The following CPEB3 variants were observed in gnomAD, a reference collection of about 807,000 sequenced individuals.
The protein encoded by CPEB3 is cytoplasmic polyadenylation element binding protein 3, also known as cytoplasmic polyadenylation element-binding protein 3.
Under a neutral mutation model 67.2 loss-of-function variants are expected in CPEB3, and 20 were observed. That is an observed-to-expected ratio of 0.30 (90% CI 0.21 to 0.43). The LOEUF is 0.43. CPEB3 is among the 20% of genes least tolerant of loss of function. The probability of loss-of-function intolerance (pLI) is 1.00; values close to 1 mark genes in which losing one functional copy is unlikely to be tolerated. For synonymous variants in CPEB3, 376 were observed against 393.1 expected, an observed-to-expected ratio of 0.96 and a Z score of 0.51; for missense variants, 746 against 968.6, an observed-to-expected ratio of 0.77 and a Z score of 3.05.
chr10:92,214,237 C>T (rs766307937), intron 2 of CPEB3, among the ~76,000 whole-genome samples: 3 of 152,100 alleles, frequency 2.0e-5, no homozygotes, highest in Non-Finnish European at 4.4e-5. Context: ...TTAGAGGGAA[C>T]CAGCTTAGAC....
At chr10:92,194,260 T>G (rs573814938) in intron 2 of CPEB3, among the ~76,000 whole-genome samples, 11 of 151,586 alleles carry the variant, frequency 7.3e-5, no homozygotes, top group Admixed American at 2.0e-4. Context: ...GCCAACAAGG[T>G]GAAACCCTGT....
At chr10:92,077,640 T>C (rs956236676) in intron 9 of CPEB3, among the ~76,000 whole-genome samples, 1 of 151,990 alleles carries the variant, frequency 6.6e-6, no homozygotes, top group African/African-American at 2.4e-5. Context: ...GCACCTGTGA[T>C]CCCAGCTATT....
intron 9 of CPEB3, among the ~76,000 whole-genome samples, chr10:92,074,612 T>C (rs1842870766): frequency 6.6e-6 from 1 of 151,726 alleles, no homozygotes; most frequent in African/African-American, 2.4e-5. Context: ...CCCTGAGAAA[T>C]AGGGGAAAAG....
intron 7 of CPEB3, among the ~76,000 whole-genome samples, chr10:92,098,988 TCTCAGACTCCTAAC>T (rs1295447011): frequency 1.3e-5 from 2 of 151,770 alleles, no homozygotes; most frequent in African/African-American, 4.8e-5. Context: ...GCCAGGCTGG[TCTCAGACTCCTAAC>T]CTCAAGTGAT....
At chr10:92,071,956 CA>C (rs1274202069) in intron 9 of CPEB3, among the ~76,000 whole-genome samples, 1 of 152,086 alleles carries the variant, frequency 6.6e-6, no homozygotes, top group Non-Finnish European at 1.5e-5. Context: ...ACCACTAGAA[CA>C]GAAAGAATGT....
At chr10:92,053,016 G>A (rs1489678593) in intron 9 of CPEB3, among the ~76,000 whole-genome samples, 3 of 152,212 alleles carry the variant, frequency 2.0e-5, no homozygotes, top group Non-Finnish European at 4.4e-5. Context: ...CTGTGAGGCT[G>A]TGCACCTCAG....
At chr10:92,065,428 C>T (rs1842509352) in intron 9 of CPEB3, among the ~76,000 whole-genome samples, 2 of 152,066 alleles carry the variant, frequency 1.3e-5, no homozygotes, top group Non-Finnish European at 2.9e-5. Context: ...ACCATGTTGG[C>T]CAGGCTGTTC....
At chr10:92,070,730 T>C (rs1408530280) in intron 9 of CPEB3, among the ~76,000 whole-genome samples, 2 of 151,844 alleles carry the variant, frequency 1.3e-5, no homozygotes, top group Non-Finnish European at 2.9e-5. Flanking sequence ...TGAGCCAAGA[T>C]TGTGCCACTG....
chr10:92,277,256 G>A (rs1300407045), intron 1 of CPEB3, among the ~76,000 whole-genome samples: 2 of 152,146 alleles, frequency 1.3e-5, no homozygotes, highest in East Asian at 3.8e-4. Flanking sequence ...TTACTTCTAA[G>A]AGTTATATAG....
intron 6 of CPEB3, chr10:92,137,468 A>G: frequency 1.6e-6 from 2 of 1,230,468 alleles, no homozygotes; most frequent in Non-Finnish European, 1.1e-6. Flanking sequence ...CTCAACAGCA[A>G]CACCCAGGTG....
chr10:92,153,379 C>G (rs1847053469), intron 4 of CPEB3, among the ~76,000 whole-genome samples: 2 of 152,200 alleles, frequency 1.3e-5, no homozygotes, highest in Non-Finnish European at 2.9e-5. Context: ...TGCAGGAGTA[C>G]ATTTATAACA....
intron 4 of CPEB3, among the ~76,000 whole-genome samples, chr10:92,180,138 G>A (rs565874757): frequency 1.3e-5 from 2 of 152,298 alleles, no homozygotes; most frequent in South Asian, 4.1e-4. Context: ...CTAGGAAGGA[G>A]AGCTGATGCC....
intron 9 of CPEB3, among the ~76,000 whole-genome samples, 158 bp from the exon 10 acceptor site, chr10:92,052,597 G>GT (rs1253126581): frequency 6.6e-6 from 1 of 152,216 alleles, no homozygotes; most frequent in Non-Finnish European, 1.5e-5. Flanking sequence ...ATGGGCTTTG[G>GT]AATAAGCTCC....
intron 6 of CPEB3, among the ~76,000 whole-genome samples, chr10:92,132,387 T>C (rs899298727): frequency 3.9e-5 from 6 of 152,054 alleles, no homozygotes; most frequent in Non-Finnish European, 7.4e-5. Context: ...CAAAACAAGA[T>C]GTCAATGTCA....
At chr10:92,134,384 G>A (rs919133094) in intron 6 of CPEB3, among the ~76,000 whole-genome samples, 3 of 151,814 alleles carry the variant, frequency 2.0e-5, no homozygotes, top group African/African-American at 7.2e-5. Context: ...CAGACAAACA[G>A]CCAAATCATG....
chr10:92,243,809 G>C (rs1194755116), intron 1 of CPEB3, among the ~76,000 whole-genome samples: 1 of 152,144 alleles, frequency 6.6e-6, no homozygotes, highest in Non-Finnish European at 1.5e-5. Context: ...ATCAACCTTA[G>C]AGGTCAGGTA....
chr10:92,077,072 G>C (rs915540391), intron 9 of CPEB3, among the ~76,000 whole-genome samples: 5 of 152,134 alleles, frequency 3.3e-5, no homozygotes, highest in African/African-American at 1.2e-4. Flanking sequence ...GGTTATTCAG[G>C]AAACAAGGTT....
chr10:92,122,146 A>G (rs546502068), intron 6 of CPEB3, among the ~76,000 whole-genome samples: 1 of 152,284 alleles, frequency 6.6e-6, no homozygotes, highest in South Asian at 2.1e-4. Context: ...TAAAAGCACT[A>G]TGTTGGAGGT....
At chr10:92,203,520 A>ATG (rs1849633072) in intron 2 of CPEB3, among the ~76,000 whole-genome samples, 1 of 111,138 alleles carries the variant, frequency 9.0e-6, no homozygotes, top group South Asian at 2.3e-4. Context: ...ATATATATAT[A>ATG]TATATATATT....
Sources: allele counts gnomAD v4.1 joint callset (sites outside exome capture counted in the v4.1 genomes callset), GRCh38; gene constraint gnomAD v4.1.1; transcripts MANE v1.5; gene names NCBI Gene and HGNC (gene_info 2026-07-23, HGNC 2026-07-21).